The following KAZN variants were observed in gnomAD, a reference collection of about 807,000 sequenced individuals.
KAZN encodes kazrin.
Under a neutral mutation model 87.4 loss-of-function variants are expected in KAZN, and 40 were observed. The ratio of observed to expected loss-of-function variants is 0.46; its 90% CI spans 0.36 to 0.60. The LOEUF (loss-of-function observed/expected upper bound fraction) is 0.60. KAZN is among the 20% of genes least tolerant of loss of function. The pLI is 0.00. For synonymous variants in KAZN, 466 were observed against 458.3 expected (o/e 1.02, Z -0.22); for missense variants, 898 against 1,073.9 (o/e 0.84, Z 2.29).
chr1:13,978,064 G>A (rs1226850566), intron 1 of KAZN, among the ~76,000 whole-genome samples: 1 of 138,028 alleles, frequency 7.2e-6, no homozygotes, highest in South Asian at 2.3e-4. Flanking sequence ...GGAGGCGGAG[G>A]TTGCAGTGAG....
intron 2 of KAZN, among the ~76,000 whole-genome samples, chr1:14,443,728 G>C (rs1666824262): frequency 6.6e-6 from 1 of 152,188 alleles, no homozygotes; most frequent in African/African-American, 2.4e-5. Flanking sequence ...GGCATTAAAG[G>C]TGCATTGTTT....
chr1:14,879,265 A>G (rs921694011), intron 1 of KAZN, among the ~76,000 whole-genome samples: 3 of 152,222 alleles, frequency 2.0e-5, no homozygotes, highest in African/African-American at 7.2e-5. Flanking sequence ...GGAATTCACC[A>G]TCTCGTGAGG....
intron 2 of KAZN, among the ~76,000 whole-genome samples, chr1:14,494,843 G>A (rs1669857640): frequency 6.6e-6 from 1 of 152,150 alleles, no homozygotes; most frequent in South Asian, 2.1e-4. Flanking sequence ...ACTATGGAAG[G>A]CATATTGCAT....
chr1:14,777,512 C>A (rs931212589), intron 1 of KAZN, among the ~76,000 whole-genome samples: 2 of 152,168 alleles, frequency 1.3e-5, no homozygotes, highest in South Asian at 4.1e-4. Context: ...ATGCGACCCC[C>A]ACAGGGCCCG....
At chr1:13,914,562 G>T (rs745834781) in intron 1 of KAZN, among the ~76,000 whole-genome samples, 2 of 152,210 alleles carry the variant, frequency 1.3e-5, no homozygotes, top group Admixed American at 6.5e-5. Context: ...CCTCCTGTGA[G>T]TACAGGGTAT....
intron 2 of KAZN, among the ~76,000 whole-genome samples, chr1:14,206,298 C>G (rs1326290485): frequency 2.6e-5 from 4 of 152,042 alleles, no homozygotes; most frequent in African/African-American, 9.7e-5. Context: ...TAGATGCATG[C>G]AGAACAGAAA....
At chr1:14,294,124 A>C (rs1457846699) in intron 2 of KAZN, among the ~76,000 whole-genome samples, 3 of 152,214 alleles carry the variant, frequency 2.0e-5, no homozygotes, top group Non-Finnish European at 4.4e-5. Flanking sequence ...GGCCACGGTC[A>C]CACAAGTAGT....
chr1:15,089,992 G>A (rs1425237278), intron 8 of KAZN, among the ~76,000 whole-genome samples: 2 of 152,186 alleles, frequency 1.3e-5, no homozygotes. Flanking sequence ...CCTCCTTCGT[G>A]ATTTCCCGGC....
At chr1:14,319,566 C>A (rs553551519) in intron 2 of KAZN, among the ~76,000 whole-genome samples, 2 of 152,302 alleles carry the variant, frequency 1.3e-5, no homozygotes, top group South Asian at 4.1e-4. Context: ...CCGAACTCAA[C>A]CCTCAGATTC....
chr1:15,044,301 C>T (rs952730770), intron 4 of KAZN, 142 bp downstream of exon 4: 20 of 855,626 alleles, frequency 2.3e-5, no homozygotes, highest in African/African-American at 1.7e-4. Flanking sequence ...GGGCAGGGCC[C>T]GCCGCGGGAG....
chr1:14,818,214 C>T (rs1240482908), intron 1 of KAZN, among the ~76,000 whole-genome samples: 4 of 152,226 alleles, frequency 2.6e-5, no homozygotes, highest in African/African-American at 4.8e-5. Flanking sequence ...GTTGCCCCTT[C>T]GTCCACTGGA....
chr1:14,043,341 G>A (rs968075766), intron 1 of KAZN, among the ~76,000 whole-genome samples: 3 of 152,160 alleles, frequency 2.0e-5, no homozygotes, highest in African/African-American at 7.2e-5. Flanking sequence ...TTAATCTGTT[G>A]ATGGACACTG....
chr1:14,878,409 T>C (rs964313205), intron 1 of KAZN, among the ~76,000 whole-genome samples: 2 of 151,860 alleles, frequency 1.3e-5, no homozygotes, highest in Non-Finnish European at 2.9e-5. Flanking sequence ...CTCCAGACAT[T>C]GCCATATGTC....
intron 2 of KAZN, among the ~76,000 whole-genome samples, chr1:14,477,039 A>G (rs1239064175): frequency 6.6e-6 from 1 of 151,968 alleles, no homozygotes; most frequent in Non-Finnish European, 1.5e-5. Flanking sequence ...AAAATATCTC[A>G]CCCATTGATA....
At chr1:14,951,997 C>T (rs1339698909) in intron 1 of KAZN, among the ~76,000 whole-genome samples, 2 of 152,138 alleles carry the variant, frequency 1.3e-5, no homozygotes, top group African/African-American at 4.8e-5. Context: ...GGCTTGATCC[C>T]GTGCCCTGCC....
intron 2 of KAZN, among the ~76,000 whole-genome samples, chr1:14,306,195 A>G (rs1237361989): frequency 6.6e-6 from 1 of 152,214 alleles, no homozygotes; most frequent in Non-Finnish European, 1.5e-5. Context: ...ACATTAGCAC[A>G]GCTTGGGCAA....
At chr1:14,836,236 G>A (rs1647254999) in intron 1 of KAZN, among the ~76,000 whole-genome samples, 1 of 152,192 alleles carries the variant, frequency 6.6e-6, no homozygotes, top group South Asian at 2.1e-4. Context: ...AGGGTGGAGA[G>A]AAGCCAGGAG....
chr1:14,457,868 A>G (rs1667654902), intron 2 of KAZN, among the ~76,000 whole-genome samples: 1 of 146,604 alleles, frequency 6.8e-6, no homozygotes, highest in South Asian at 2.2e-4. Flanking sequence ...CCCAGGCTGG[A>G]GTGCAGTGGT....
At chr1:14,435,790 G>A (rs542685287) in intron 2 of KAZN, among the ~76,000 whole-genome samples, 3 of 152,148 alleles carry the variant, frequency 2.0e-5, no homozygotes, top group East Asian at 3.9e-4. Flanking sequence ...AGGGCCTAAC[G>A]ATATCTTCGA....
Sources: allele counts gnomAD v4.1 joint callset (sites outside exome capture counted in the v4.1 genomes callset), GRCh38; gene constraint gnomAD v4.1.1; transcripts MANE v1.5; gene names NCBI Gene and HGNC (gene_info 2026-07-23, HGNC 2026-07-21).